The following ZEB2 variants were observed in gnomAD, a reference collection of about 807,000 sequenced individuals.
ZEB2 encodes the protein zinc finger E-box-binding homeobox 2.
In ZEB2, 6 loss-of-function variants were observed where a neutral mutation model predicts 99.9. The observed-to-expected ratio is 0.06, with a 90% CI of 0.03 to 0.12. ZEB2 has a LOEUF of 0.12. Among genes scored for constraint, ZEB2 ranks in the 10% least tolerant of loss-of-function variants. ZEB2 has a pLI of 1.00. For missense variants in ZEB2, 969 were observed against 1,502.8 expected (o/e 0.64, Z 5.87); for synonymous variants, 517 against 542.5 (o/e 0.95, Z 0.65).
intron 4 of ZEB2, among the ~76,000 whole-genome samples, chr2:144,416,985 C>T (rs1703548453): frequency 6.6e-6 from 1 of 152,212 alleles, no homozygotes; most frequent in Non-Finnish European, 1.5e-5. Context: ...AATGATAGCG[C>T]ATTTATTATG....
intron 4 of ZEB2, among the ~76,000 whole-genome samples, chr2:144,415,186 T>C (rs1369927392): frequency 6.6e-6 from 1 of 152,168 alleles, no homozygotes; most frequent in African/African-American, 2.4e-5. Flanking sequence ...TTAAGGATTG[T>C]ATTTCCTAAT....
chr2:144,448,046 C>A (rs1704008723), intron 2 of ZEB2, among the ~76,000 whole-genome samples: 1 of 152,128 alleles, frequency 6.6e-6, no homozygotes. Flanking sequence ...AGACCAGCTC[C>A]CAGAAAGTGC....
chr2:144,425,641 C>T (rs1210314127), intron 3 of ZEB2, among the ~76,000 whole-genome samples: 1 of 152,036 alleles, frequency 6.6e-6, no homozygotes, highest in Non-Finnish European at 1.5e-5. Context: ...TTGTCAAAAA[C>T]TGCAATATTT....
rs1378480383 is a variant in ZEB2 at position 144,488,341 on chromosome 2, A to G, written c.73+28937T>C. Among the ~76,000 whole-genome samples the G allele has an allele frequency of 2.6e-5, 4 of 152,268 alleles. No individual in the cohort carries two copies. In the East Asian group the frequency reaches 7.7e-4, roughly 29 times the overall value. On this transcript the variant is annotated intron_variant, in intron 2 of 9. Transcript: ENST00000627532. The stretch of plus-strand genomic sequence containing the variant: ...GGAAACTGTTTGGAGATTTAAATAC[A>G]GTGGAACCCACTTAAATAAATACCT...
At chr2:144,515,454 G>A (rs1203385376) in intron 2 of ZEB2, among the ~76,000 whole-genome samples, 1 of 151,762 alleles carries the variant, frequency 6.6e-6, no homozygotes, top group Non-Finnish European at 1.5e-5. Context: ...GGAAGGGGAG[G>A]TCTCCTGTGT....
chr2:144,512,861 C>A (rs372123809), intron 2 of ZEB2: 1 of 1,287,112 alleles, frequency 7.8e-7, no homozygotes, highest in African/African-American at 1.5e-5. Context: ...AGATGGATAT[C>A]TTTGGAGCGC....
chr2:144,404,989 A>G lies in ZEB2; in HGVS notation c.439T>C (p.Tyr147His). The G allele has an allele frequency of 1.2e-6, 2 of 1,614,186 alleles. No individual in the cohort carries two copies. Among genetic ancestry groups the G allele is most frequent in the East Asian group, 2.2e-5 (1 of 44,880 alleles). The stretch of plus-strand genomic sequence containing the variant: ...TCCTCCAGTTTTCTTTTGGCAAAGT[A>G]TTCCTCAAAATCTGATGTGCAATTT... Reference protein sequence around the residue: ...NANCTSDFEEYFAKRKLEERD... With the variant: ...NANCTSDFEEHFAKRKLEERD... Residue 147 changes from tyrosine (Y) to histidine (H), a missense_variant, in exon 5 of 10, where the codon TAC becomes CAC. Around this residue, in one of 8 missense-constraint regions of ZEB2, gnomAD observed 173 missense variants for 217.7 expected, o/e 0.79. Coordinates refer to ENST00000627532, the MANE Select transcript of ZEB2 (RefSeq NM_014795.4).
chr2:144,447,423 C>T (rs1247568783), intron 2 of ZEB2, among the ~76,000 whole-genome samples: 1 of 152,156 alleles, frequency 6.6e-6, no homozygotes, highest in Non-Finnish European at 1.5e-5. Flanking sequence ...TTCCTTCCAT[C>T]ACTAGATTTT....
rs1703061607 is a variant in ZEB2, at chr2:144,384,944, G to C, written c.*4507C>G. 1 of 152,052 alleles carries C rather than the reference G, an allele frequency of 6.6e-6. No individual in the cohort carries two copies. The highest frequency in any genetic ancestry group is 2.4e-5 in the African/African-American group (1 of 41,398). The allele number at this position is 152,052 out of a possible 1,614,324, so 9.4% of individuals were successfully genotyped here. A position where few individuals can be genotyped will look rare whatever the true frequency, so the allele number is the denominator to read the frequency against. ...CATTTTAGTATATTAGGTTATGTCA[G>C]TACATACTTAAGAGAGGCATAAATT... On this transcript the variant is annotated 3_prime_UTR_variant, in exon 10 of 10. Transcript: ENST00000627532.
At chr2:144,468,727 C>T (rs1168400950) in intron 2 of ZEB2, among the ~76,000 whole-genome samples, 2 of 152,022 alleles carry the variant, frequency 1.3e-5, no homozygotes, top group Non-Finnish European at 2.9e-5. Context: ...GGCTTTGAGG[C>T]ATGCAGGGGT....
Position 144,403,978 on chromosome 2 carries a change from T to C in ZEB2, c.745A>G (p.Thr249Ala), listed in dbSNP as rs1703347802. ...TCGAGCTGGGTGCGGTAGGCAAACGTGTAGCTACAGAGAGGGCAGGAAAAG... is the reference window on the plus strand; with the variant it reads ...TCGAGCTGGGTGCGGTAGGCAAACGCGTAGCTACAGAGAGGGCAGGAAAAG... ...ENFSCPLCSY[T>A]FAYRTQLERH... Residue 249 changes from threonine to alanine, a missense_variant, in exon 6 of 10, where the codon ACG (threonine) becomes GCG (alanine). This residue lies in a region of ZEB2 where 65 missense variants were observed against 147.7 expected (regional missense o/e 0.44). Coordinates refer to ENST00000627532, the MANE Select transcript of ZEB2 (RefSeq NM_014795.4). The C allele has an allele frequency of 1.2e-6, 2 of 1,613,982 alleles. No homozygotes were observed. The highest frequency in any genetic ancestry group is 1.7e-5 in the Admixed American group (1 of 59,992).
chr2:144,410,865 C>G (rs1703450556), intron 4 of ZEB2, among the ~76,000 whole-genome samples: 1 of 151,376 alleles, frequency 6.6e-6, no homozygotes, highest in Non-Finnish European at 1.5e-5. Flanking sequence ...GGAGTTGCAG[C>G]AAGTATATGT....
At position 144,399,983 on chromosome 2, in the gene ZEB2, C is replaced by T. The variant is rs1190356101; in HGVS notation, c.1204G>A (p.Val402Ile). 1.2e-6 allele frequency: 2 copies of T among 1,614,052 alleles called. No homozygotes were observed. Among genetic ancestry groups the T allele is most frequent in the Non-Finnish European group, 1.7e-6 (2 of 1,180,014 alleles). ...CTAAACCCGTGTGTAGCCATAAGAA[C>T]TTTATAGTCATTGAAGTCTAGTGGT... ...TEPLDFNDYKVLMATHGFSGT... is the reference protein window; with the variant it reads ...TEPLDFNDYKILMATHGFSGT... Residue 402 changes from valine to isoleucine, a missense_variant, in exon 8 of 10, where the codon GTT (valine) becomes ATT (isoleucine). Physicochemically the swap from Val to Ile is conservative, Grantham distance 29 (BLOSUM62 3). Around this residue, in one of 8 missense-constraint regions of ZEB2, gnomAD observed 227 missense variants for 278.2 expected, o/e 0.82. Transcript: ENST00000627532. This position sits in a 1 kb window ranked among gnomAD's most constrained non-coding sequence, Gnocchi z 5.6.
chr2:144,406,771 T>C (rs1368291496), intron 4 of ZEB2, among the ~76,000 whole-genome samples: 3 of 152,190 alleles, frequency 2.0e-5, no homozygotes, highest in African/African-American at 7.2e-5. Context: ...CTATGATTAT[T>C]TGCATTTTTA....
At chr2:144,500,938 A>G (rs572663327) in intron 2 of ZEB2, among the ~76,000 whole-genome samples, 36 of 152,310 alleles carry the variant, frequency 2.4e-4, no homozygotes, top group Middle Eastern at 3.4e-3. Flanking sequence ...TCATCTCTAC[A>G]CTATGATACA....
intron 2 of ZEB2, among the ~76,000 whole-genome samples, chr2:144,506,718 C>G (rs973897189): frequency 2.0e-5 from 3 of 152,036 alleles, no homozygotes; most frequent in South Asian, 2.1e-4. Flanking sequence ...AGAAAAAAAC[C>G]TCAGATTTTA....
At chr2:144,460,775 T>C (rs1186774896) in intron 2 of ZEB2, among the ~76,000 whole-genome samples, 1 of 152,168 alleles carries the variant, frequency 6.6e-6, no homozygotes, top group Admixed American at 6.6e-5. Context: ...GGCAGATTGC[T>C]TCTCTCCTTC....
intron 1 of ZEB2, 148 bp from the exon 2 acceptor site, chr2:144,517,567 C>A: frequency 2.1e-6 from 1 of 476,636 alleles, no homozygotes; most frequent in Non-Finnish European, 4.0e-6. Flanking sequence ...CCCCTCCCCG[C>A]CCCCCACCCC....
chr2:144,399,067 G>A lies in ZEB2; in HGVS notation c.2120C>T (p.Ser707Phe), dbSNP rs1174325176. ...VYQYSNSRSP[S>F]LERSSKPLAP... is the part of the protein sequence containing the mutation. ...TAACGGCTTGGAGCTTCTTTCCAGG[G>A]ATGGGGACCTGGAATTTGAGTACTG... The change falls in exon 8 of 10, where the codon TCC (serine) becomes TTC (phenylalanine). Residue 707 changes from serine to phenylalanine, a missense_variant. Physicochemically the swap from Ser to Phe is radical, Grantham distance 155 (BLOSUM62 -2). Coordinates refer to ENST00000627532, the MANE Select transcript of ZEB2 (RefSeq NM_014795.4). This position sits in a 1 kb window ranked among gnomAD's most constrained non-coding sequence, Gnocchi z 5.6. 3.1e-6 allele frequency: 5 copies of A among 1,614,146 alleles called. No individual in the cohort carries two copies. Among genetic ancestry groups the A allele is most frequent in the Non-Finnish European group, 4.2e-6 (5 of 1,180,024 alleles).
Sources: gnomAD v4.1 joint callset for allele counts (sites outside exome capture counted in the v4.1 genomes callset) on GRCh38, gnomAD v4.1.1 for gene constraint, gnomAD v4.1.1 regional missense constraint, Gnocchi (gnomAD v3.1) non-coding constraint, MANE v1.5 for transcripts, NCBI Gene and HGNC (gene_info 2026-07-23, HGNC 2026-07-21) for gene names.